ATP2B3: variants seen among roughly 807,000 people sequenced by gnomAD.
ATP2B3 encodes ATPase plasma membrane Ca2+ transporting 3.
A neutral mutation model predicts 70.8 loss-of-function variants in ATP2B3; 12 were observed. The observed-to-expected ratio is 0.17, with a 90% CI of 0.11 to 0.27. ATP2B3 has a LOEUF of 0.27. Among genes scored for constraint, ATP2B3 ranks in the 10% least tolerant of loss-of-function variants. The pLI, the probability that ATP2B3 is intolerant of heterozygous loss-of-function variation, is 1.00. For missense variants in ATP2B3, 858 were observed against 1,118.5 expected (o/e 0.77, Z 3.32); for synonymous variants, 460 against 497.8 (o/e 0.92, Z 1.01).
At chrX:153,577,859 A>G (rs1557021700) in intron 21 of ATP2B3, among the ~76,000 whole-genome samples, 2 of 111,254 alleles carry the variant, frequency 1.8e-5, no homozygotes, top group South Asian at 3.8e-4. Flanking sequence ...AGCTCAAGCG[A>G]TCAGCCCGCC....
intron 2 of ATP2B3, among the ~76,000 whole-genome samples, chrX:153,520,393 C>A (rs1467052847): frequency 8.9e-6 from 1 of 112,492 alleles, no homozygotes; most frequent in Non-Finnish European, 1.9e-5. Context: ...TTCACCTCCT[C>A]CCCCACCTCA....
chrX:153,549,805 T>G (rs960389257), intron 11 of ATP2B3, 66 bp downstream of exon 11: 19 of 1,147,997 alleles, frequency 1.7e-5, no homozygotes, highest in Non-Finnish European at 2.1e-5. Context: ...CTGGCCAGGG[T>G]GCCAGGTGAG....
In ATP2B3 at chrX:153,548,895, G is replaced by A. The variant is rs781804080; in HGVS notation, c.1338+41G>A. On this transcript the variant is annotated intron_variant, in intron 10 of 21. Transcript: ENST00000263519. The stretch of plus-strand genomic sequence containing the variant: ...ACAGTTGATACTGTTTACAGACTCG[G>A]AAACTGGGGTAAGAAGTCATTGGGC... 5 of 1,159,795 alleles carry A rather than the reference G, an allele frequency of 4.3e-6. No individual in the cohort carries two copies. The East Asian group carries it at 1.2e-4, about 28-fold the overall frequency.
chrX:153,526,749 C>T (rs1462171245), intron 2 of ATP2B3, among the ~76,000 whole-genome samples: 2 of 111,557 alleles, frequency 1.8e-5, no homozygotes, highest in Admixed American at 9.4e-5. Flanking sequence ...TCGGTGTGCT[C>T]GTTCCTTGGG....
chrX:153,525,599 A>G (rs2124319126), intron 2 of ATP2B3, among the ~76,000 whole-genome samples: 1 of 112,580 alleles, frequency 8.9e-6, no homozygotes, highest in East Asian at 2.8e-4. Context: ...CCACAGGCCC[A>G]GGAGAGATGG....
intron 11 of ATP2B3, 53 bp from the exon 12 acceptor site, chrX:153,549,992 C>T: frequency 8.4e-7 from 1 of 1,189,757 alleles, no homozygotes; most frequent in Non-Finnish European, 1.1e-6. Flanking sequence ...CCAGGGGCAG[C>T]ATGGAGGGTG....
intron 2 of ATP2B3, among the ~76,000 whole-genome samples, chrX:153,524,185 A>G (rs1556998900): frequency 9.1e-6 from 1 of 110,395 alleles, no homozygotes; most frequent in Non-Finnish European, 1.9e-5. Flanking sequence ...CCCTTTCGGA[A>G]ATTTGAGAGC....
chrX:153,547,664 C>T (rs2090389688), intron 8 of ATP2B3, among the ~76,000 whole-genome samples, 171 bp from the exon 9 acceptor site: 1 of 111,256 alleles, frequency 9.0e-6, no homozygotes, highest in African/African-American at 3.3e-5. Context: ...CCAAGAGGGC[C>T]TGGGCTTAGG....
chrX:153,567,852 A>G (rs1352926457), intron 21 of ATP2B3, among the ~76,000 whole-genome samples: 3 of 112,189 alleles, frequency 2.7e-5, no homozygotes, highest in African/African-American at 9.7e-5. Flanking sequence ...CCAACTCACC[A>G]TGTTTCTCAG....
At chrX:153,543,398 G>A (rs1314649006) in intron 7 of ATP2B3, among the ~76,000 whole-genome samples, 1 of 112,766 alleles carries the variant, frequency 8.9e-6, no homozygotes, top group African/African-American at 3.2e-5. Context: ...GAGTTTCCCT[G>A]AGACCACCAT....
At chrX:153,545,665 A>G (rs1284808229) in intron 7 of ATP2B3, among the ~76,000 whole-genome samples, 1 of 112,076 alleles carries the variant, frequency 8.9e-6, no homozygotes, top group Non-Finnish European at 1.9e-5. Context: ...TGCAGGGAAA[A>G]CCAATCCCTA....
Position 153,564,947 on chromosome X carries a change from G to C in ATP2B3, c.3186G>C (p.Gln1062His). The stretch of plus-strand genomic sequence containing the variant: ...TCATTGCCACCATCCCCACCAGCCA[G>C]CTCAAGTGCCTGAAGGAAGCCGGGC... ...GQVIATIPTS[Q>H]LKCLKEAGHG... Residue 1062 changes from glutamine to histidine, a missense_variant, in exon 21 of 22, where the codon CAG (glutamine) becomes CAC (histidine). Coordinates refer to ENST00000263519, the MANE Select transcript of ATP2B3 (RefSeq NM_001001344.3). 1 of 1,198,020 alleles carries C rather than the reference G, an allele frequency of 8.3e-7. No individual in the cohort carries two copies. The highest frequency in any genetic ancestry group is 1.1e-6 in the Non-Finnish European group (1 of 887,822).
intron 21 of ATP2B3, among the ~76,000 whole-genome samples, chrX:153,579,353 G>A (rs2090895276): frequency 8.9e-6 from 1 of 112,791 alleles, no homozygotes; most frequent in Admixed American, 9.3e-5. Flanking sequence ...CCTCGACATG[G>A]CAGGTCCCGG....
At chrX:153,541,021 G>A (rs1415069579) in intron 3 of ATP2B3, among the ~76,000 whole-genome samples, 3 of 112,526 alleles carry the variant, frequency 2.7e-5, no homozygotes, top group Admixed American at 9.3e-5. Flanking sequence ...CCCCCTCAGC[G>A]GTAGTGTGGA....
At chrX:153,536,595 G>A in intron 3 of ATP2B3, 140 bp downstream of exon 3, 1 of 675,572 alleles carries the variant, frequency 1.5e-6, no homozygotes, top group Non-Finnish European at 2.3e-6. Flanking sequence ...CCTTGAGGGG[G>A]AGATGCCCTG....
intron 15 of ATP2B3, 30 bp downstream of exon 15, chrX:153,556,448 G>C: frequency 1.7e-6 from 2 of 1,174,800 alleles, no homozygotes; most frequent in Non-Finnish European, 2.3e-6. Context: ...CCTTTCCTGG[G>C]GTGGCCAGCC....
chrX:153,557,285 T>C (rs1232654657), intron 16 of ATP2B3, among the ~76,000 whole-genome samples: 5 of 110,198 alleles, frequency 4.5e-5, no homozygotes, highest in Non-Finnish European at 9.5e-5. Flanking sequence ...GAATGGGGGG[T>C]GGGGGCTCAT....
intron 21 of ATP2B3, among the ~76,000 whole-genome samples, chrX:153,572,307 C>T (rs782620825): frequency 8.8e-6 from 1 of 113,119 alleles, no homozygotes; most frequent in Non-Finnish European, 1.9e-5. Flanking sequence ...GTTTCCCATC[C>T]TCTTTGCCTG....
At chrX:153,549,382 C>T in intron 10 of ATP2B3, 115 bp from the exon 11 acceptor site, 1 of 1,163,724 alleles carries the variant, frequency 8.6e-7, no homozygotes. Flanking sequence ...GGGCTTAGTG[C>T]CACACGTGGA....
Sources: gnomAD v4.1 joint callset for allele counts (sites outside exome capture counted in the v4.1 genomes callset) on GRCh38, gnomAD v4.1.1 for gene constraint, MANE v1.5 for transcripts, NCBI Gene and HGNC (gene_info 2026-07-23, HGNC 2026-07-21) for gene names.